ZNF487: variants seen among roughly 807,000 people sequenced by gnomAD.
The protein encoded by ZNF487 is KRAB domain only 1.
ZNF487 carries 4 observed loss-of-function variants against 3.0 expected under a neutral mutation model. The ratio of observed to expected loss-of-function variants is 1.35; its 90% CI spans 0.66 to 3.08. The LOEUF (loss-of-function observed/expected upper bound fraction) is 3.08. Ranked by LOEUF, ZNF487 falls within the 30% of genes most tolerant of loss-of-function variation. ZNF487 has a pLI of 0.01. For missense variants in ZNF487, 146 were observed against 98.7 expected (o/e 1.48, Z -2.03); for synonymous variants, 55 against 34.6 (o/e 1.59, Z -2.06).
At chr10:43,459,492 A>G (rs1167712490) in intron 1 of ZNF487, among the ~76,000 whole-genome samples, 1 of 151,960 alleles carries the variant, frequency 6.6e-6, no homozygotes, top group Non-Finnish European at 1.5e-5. Flanking sequence ...GGACTCCCCA[A>G]ATGCTGGGAT....
At chr10:43,498,535 C>T in the ZNF487 span, among the ~76,000 whole-genome samples, 4 of 151,264 alleles carry the variant, frequency 2.6e-5, no homozygotes, top group African/African-American at 9.7e-5. Context: ...ACCTCGGCCT[C>T]CCAAAGTGCT....
intron 3 of ZNF487, among the ~76,000 whole-genome samples, chr10:43,478,186 A>T (rs1377811199): frequency 1.3e-5 from 2 of 152,284 alleles, no homozygotes; most frequent in East Asian, 3.9e-4. Context: ...TCGGGAGACC[A>T]ACCCAAGAGG....
chr10:43,475,998 CTG>C, intron 2 of ZNF487, 107 bp from the exon 3 acceptor site: 1 of 671,472 alleles, frequency 1.5e-6, no homozygotes. Context: ...TAAAGAATAT[CTG>C]TGGTGTTTTC....
the ZNF487 span, among the ~76,000 whole-genome samples, chr10:43,491,013 C>T: frequency 7.5e-6 from 1 of 133,870 alleles, no homozygotes; most frequent in African/African-American, 2.9e-5. Context: ...GAGTCTCACT[C>T]TGTCTCCTGG....
chr10:43,484,332 C>T (rs1359060656), downstream of ZNF487, among the ~76,000 whole-genome samples: 5 of 151,916 alleles, frequency 3.3e-5, no homozygotes, highest in Non-Finnish European at 5.9e-5. Flanking sequence ...TTGGTCCAGG[C>T]GCGGTGGCTC....
intron 1 of ZNF487, among the ~76,000 whole-genome samples, chr10:43,464,734 T>C (rs897206587): frequency 6.6e-6 from 1 of 152,230 alleles, no homozygotes; most frequent in African/African-American, 2.4e-5. Context: ...TTCTTCTTAG[T>C]ACAGAACAAA....
At chr10:43,518,605 C>T in the ZNF487 span, among the ~76,000 whole-genome samples, 6,939 of 152,116 alleles carry the variant, frequency 0.046, 204 homozygotes, top group Middle Eastern at 0.092. Context: ...AGTGCTTATC[C>T]ACCTCTTGTC....
At chr10:43,439,772 A>C (rs922475053) in intron 1 of ZNF487, among the ~76,000 whole-genome samples, 2 of 152,192 alleles carry the variant, frequency 1.3e-5, no homozygotes, top group African/African-American at 4.8e-5. Context: ...AATGTTGACG[A>C]TATTATGTTA....
downstream of ZNF487, among the ~76,000 whole-genome samples, chr10:43,485,345 T>C (rs1841462793): frequency 6.6e-6 from 1 of 152,228 alleles, no homozygotes; most frequent in Non-Finnish European, 1.5e-5. Flanking sequence ...GTTATCAAAA[T>C]TGAGCTGTAA....
the ZNF487 span, among the ~76,000 whole-genome samples, chr10:43,520,959 C>A: frequency 6.6e-6 from 1 of 152,138 alleles, no homozygotes; most frequent in African/African-American, 2.4e-5. Context: ...TGTTTTGTTT[C>A]TTAGTCCTTT....
intron 1 of ZNF487, among the ~76,000 whole-genome samples, chr10:43,470,232 G>A (rs1286583256): frequency 6.6e-6 from 1 of 151,864 alleles, no homozygotes; most frequent in Admixed American, 6.6e-5. Flanking sequence ...TTGGTTGCGG[G>A]AACAGTGTTT....
intron 1 of ZNF487, chr10:43,458,058 A>AAC (rs1418123565): frequency 4.5e-4 from 1 of 2,218 alleles, no homozygotes; most frequent in Non-Finnish European, 9.6e-4. Flanking sequence ...AAAACAAAAC[A>AAC]AAAAAAAAGA....
chr10:43,478,366 C>A (rs900984717), intron 3 of ZNF487, among the ~76,000 whole-genome samples: 1 of 152,122 alleles, frequency 6.6e-6, no homozygotes, highest in South Asian at 2.1e-4. Context: ...ACCAGCCTGA[C>A]CAACATGGAA....
the ZNF487 span, among the ~76,000 whole-genome samples, chr10:43,508,497 C>G: frequency 1.3e-5 from 2 of 152,098 alleles, no homozygotes; most frequent in Non-Finnish European, 2.9e-5. Context: ...GAAAAGGGAC[C>G]TTGTGAAAAC....
At chr10:43,514,768 G>C in the ZNF487 span, among the ~76,000 whole-genome samples, 1 of 152,180 alleles carries the variant, frequency 6.6e-6, no homozygotes, top group East Asian at 1.9e-4. Flanking sequence ...CTGACATACA[G>C]AGAAGAGCAA....
chr10:43,513,124 G>A, the ZNF487 span, among the ~76,000 whole-genome samples: 22 of 152,288 alleles, frequency 1.4e-4, 1 homozygote, highest in African/African-American at 4.6e-4. Flanking sequence ...GATATCTTGC[G>A]GCAGCGAAAA....
At chr10:43,515,443 C>T in the ZNF487 span, among the ~76,000 whole-genome samples, 1 of 152,168 alleles carries the variant, frequency 6.6e-6, no homozygotes, top group Non-Finnish European at 1.5e-5. Context: ...TTGCCACTAC[C>T]AGGGATGGGG....
At chr10:43,441,329 G>C (rs753114355) in intron 1 of ZNF487, among the ~76,000 whole-genome samples, 1 of 151,838 alleles carries the variant, frequency 6.6e-6, no homozygotes, top group Non-Finnish European at 1.5e-5. Context: ...GCAGTGGCAC[G>C]ATCTCGGCTC....
intron 1 of ZNF487, among the ~76,000 whole-genome samples, chr10:43,466,740 G>T (rs934167785): frequency 3.9e-5 from 6 of 152,230 alleles, no homozygotes; most frequent in African/African-American, 1.2e-4. Context: ...GAGTCCTAAT[G>T]TTCAGAAAAA....
Sources: gnomAD v4.1 joint callset for allele counts (sites outside exome capture counted in the v4.1 genomes callset) on GRCh38, gnomAD v4.1.1 for gene constraint, MANE v1.5 for transcripts, NCBI Gene and HGNC (gene_info 2026-07-23, HGNC 2026-07-21) for gene names.